The following DNAH11 variants were observed in gnomAD, a reference collection of about 807,000 sequenced individuals.
The protein encoded by DNAH11 is dynein axonemal heavy chain 11, also known as axonemal beta dynein heavy chain 11.
A neutral mutation model predicts 526.0 loss-of-function variants in DNAH11; 442 were observed. The ratio of observed to expected loss-of-function variants is 0.84; its 90% confidence interval spans 0.78 to 0.91. The LOEUF (loss-of-function observed/expected upper bound fraction) is 0.91. DNAH11 is among the 40% of genes least tolerant of loss of function. The pLI, the probability that DNAH11 is intolerant of heterozygous loss-of-function variation, is 0.00. For synonymous variants in DNAH11, 2,461 were observed against 1,935.9 expected, an observed-to-expected ratio of 1.27 and a Z score of -7.12; for missense variants, 6,989 against 5,448.7, an observed-to-expected ratio of 1.28 and a Z score of -8.90.
At chr7:21,772,022 A>G (rs556814520) in intron 55 of DNAH11, among the ~76,000 whole-genome samples, 12 of 152,310 alleles carry the variant, frequency 7.9e-5, no homozygotes, top group African/African-American at 2.6e-4. Context: ...GAAAGTGACA[A>G]ATTGAGAATG....
chr7:21,726,061 A>G (rs530457118), intron 45 of DNAH11, 77 bp downstream of exon 45: 2 of 1,360,176 alleles, frequency 1.5e-6, no homozygotes, highest in Admixed American at 6.1e-5. Context: ...TGGGTAATTT[A>G]TAAAGAAAAG....
intron 31 of DNAH11, among the ~76,000 whole-genome samples, chr7:21,682,245 G>A (rs760300276): frequency 1.3e-5 from 2 of 151,818 alleles, no homozygotes; most frequent in South Asian, 4.1e-4. Context: ...TTAAAAAGTC[G>A]GCCGGGCATG....
chr7:21,862,947 C>T (rs1028966882), intron 69 of DNAH11, among the ~76,000 whole-genome samples: 3 of 151,942 alleles, frequency 2.0e-5, no homozygotes, highest in Admixed American at 2.0e-4. Context: ...ACCTGTAGTC[C>T]CAGCTACTTG....
At chr7:21,859,383 G>C (rs1782971508) in intron 68 of DNAH11, among the ~76,000 whole-genome samples, 1 of 152,086 alleles carries the variant, frequency 6.6e-6, no homozygotes. Context: ...CAAAGTGCTG[G>C]GATTACAGGC....
chr7:21,802,961 AATG>A (rs1483806889), intron 62 of DNAH11, among the ~76,000 whole-genome samples: 1,728 of 150,166 alleles, frequency 0.012, 39 homozygotes, highest in African/African-American at 0.04. Flanking sequence ...ATATATATAT[AATG>A]TAGTAAAAAA....
At chr7:21,848,579 G>T (rs905787488) in intron 66 of DNAH11, among the ~76,000 whole-genome samples, 1 of 151,642 alleles carries the variant, frequency 6.6e-6, no homozygotes, top group South Asian at 2.1e-4. Context: ...TATGATTCCA[G>T]TGTCTTCTTT....
At chr7:21,581,716 G>A (rs1287872267) in intron 8 of DNAH11, among the ~76,000 whole-genome samples, 189 bp from the exon 9 acceptor site, 2 of 151,996 alleles carry the variant, frequency 1.3e-5, no homozygotes, top group Non-Finnish European at 2.9e-5. Context: ...ATTCTGTAAG[G>A]TGGCACTTGC....
chr7:21,705,556 T>A lies in DNAH11; in HGVS notation c.6546+19T>A, dbSNP rs1275067020. The A allele has an allele frequency of 5.6e-6, 9 of 1,609,802 alleles. No homozygotes were observed. Among genetic ancestry groups the A allele is most frequent in the Non-Finnish European group, 7.6e-6 (9 of 1,176,536 alleles). ...GAGTAAGGTATAGTAAATTGCCTAA[T>A]AGCTTACAGCTATGGAAAGAACATT... is the stretch of plus-strand genomic sequence containing the variant. On this transcript the variant is annotated intron_variant, in intron 39 of 81. Coordinates refer to ENST00000409508, the MANE Select transcript of DNAH11 (RefSeq NM_001277115.2).
Position 21,637,714 on chromosome 7 carries a change from G to A in DNAH11, c.4817+12G>A, listed in dbSNP as rs547158661. The A allele has an allele frequency of 6.8e-7, 1 of 1,480,608 alleles. No individual in the cohort carries two copies. Among genetic ancestry groups the A allele is most frequent in the African/African-American group, 1.4e-5 (1 of 70,824 alleles). The allele number at this position is 1,480,608 out of a possible 1,614,324, so 91.7% of individuals were successfully genotyped here. A position where few individuals can be genotyped will look rare whatever the true frequency, so the allele number is the denominator to read the frequency against. ...GATTTACAGTCCAGGTAAGAATAAA[G>A]CTATATAAGATAATCAATTTACTGT... On this transcript the variant is annotated intron_variant, in intron 27 of 81. Coordinates refer to ENST00000409508, the MANE Select transcript of DNAH11 (RefSeq NM_001277115.2).
intron 65 of DNAH11, among the ~76,000 whole-genome samples, chr7:21,839,850 A>G (rs574381092): frequency 1.3e-5 from 2 of 152,356 alleles, no homozygotes; most frequent in African/African-American, 2.4e-5. Context: ...ATCACTCTGC[A>G]GGGAAAACAA....
At chr7:21,745,154 C>G in intron 51 of DNAH11, 91 bp downstream of exon 51, 2 of 1,322,734 alleles carry the variant, frequency 1.5e-6, no homozygotes, top group Non-Finnish European at 2.1e-6. Context: ...ACTAAGCACT[C>G]TGAACCATCA....
At chr7:21,807,198 A>C (rs1188778832) in intron 62 of DNAH11, among the ~76,000 whole-genome samples, 1 of 152,192 alleles carries the variant, frequency 6.6e-6, no homozygotes, top group Non-Finnish European at 1.5e-5. Context: ...CCAGGCTGAC[A>C]TTAAAAATCC....
At chr7:21,664,859 C>T (rs73061703) in intron 30 of DNAH11, among the ~76,000 whole-genome samples, 14,023 of 152,122 alleles carry the variant, frequency 0.092, 685 homozygotes, top group South Asian at 0.12. Context: ...TGTTCAACAT[C>T]TCAGTCCCAA....
chr7:21,633,204 A>T (rs146627467), intron 25 of DNAH11, among the ~76,000 whole-genome samples: 21 of 152,322 alleles, frequency 1.4e-4, no homozygotes, highest in East Asian at 1.4e-3. Flanking sequence ...TTGGGTGGGG[A>T]CACAGCCAAA....
rs778509067 is a variant in DNAH11, at chr7:21,818,252, G to A, written c.10604G>A (p.Gly3535Asp). The A allele has an allele frequency of 1.7e-5, 27 of 1,611,928 alleles. No homozygotes were observed. The highest frequency in any genetic ancestry group is 2.2e-5 in the South Asian group (2 of 90,774). ...LNAIETALAF[G>D]DVILIENLEE... ...GCCATTGAAACTGCTTTGGCCTTTG[G>A]TGATGTCATCTTAATTGAAAATCTC... The change falls in exon 65 of 82, where the codon GGT becomes GAT. Residue 3535 changes from glycine (G) to aspartate (D), a missense_variant. By Grantham distance (94) the Gly-to-Asp change is moderately conservative. Transcript: ENST00000409508.
At chr7:21,794,148 C>T (rs1788603596) in intron 61 of DNAH11, among the ~76,000 whole-genome samples, 1 of 152,116 alleles carries the variant, frequency 6.6e-6, no homozygotes, top group Non-Finnish European at 1.5e-5. Context: ...TTCTGAATTG[C>T]TTTTCTGTAT....
At chr7:21,566,886 G>T (rs554071324) in intron 6 of DNAH11, among the ~76,000 whole-genome samples, 1 of 152,032 alleles carries the variant, frequency 6.6e-6, no homozygotes, top group Non-Finnish European at 1.5e-5. Context: ...ATTTTATCAT[G>T]CATACAATTT....
At chr7:21,860,782 G>T (rs1347979324) in intron 68 of DNAH11, among the ~76,000 whole-genome samples, 13 of 152,138 alleles carry the variant, frequency 8.5e-5, no homozygotes, top group Admixed American at 8.5e-4. Context: ...GATTTATAAA[G>T]AAAAAGAGGT....
At chr7:21,791,606 C>T (rs1270513255) in intron 61 of DNAH11, among the ~76,000 whole-genome samples, 1 of 152,158 alleles carries the variant, frequency 6.6e-6, no homozygotes, top group African/African-American at 2.4e-5. Context: ...TAAGAGCTCC[C>T]CCATCTACTT....
Sources: allele counts gnomAD v4.1 joint callset (sites outside exome capture counted in the v4.1 genomes callset), GRCh38; gene constraint gnomAD v4.1.1; transcripts MANE v1.5; gene names NCBI Gene and HGNC (gene_info 2026-07-23, HGNC 2026-07-21).